The following FAM135B variants were observed in gnomAD, a reference collection of about 807,000 sequenced individuals.
The protein encoded by FAM135B is protein FAM135B.
A neutral mutation model predicts 127.7 loss-of-function variants in FAM135B; 43 were observed. That is an observed-to-expected ratio of 0.34 (90% confidence interval 0.26 to 0.43). The LOEUF (loss-of-function observed/expected upper bound fraction) is 0.43, where lower values mean the gene tolerates loss of function less well. Ranked by LOEUF, FAM135B falls within the 20% of genes least tolerant of loss-of-function variation. The pLI is 1.00. For synonymous variants in FAM135B, 670 were observed against 665.1 expected (o/e 1.01, Z -0.11); for missense variants, 1,558 against 1,725.6 (o/e 0.90, Z 1.72).
intron 7 of FAM135B, among the ~76,000 whole-genome samples, chr8:138,212,932 G>A (rs751952088): frequency 3.3e-5 from 5 of 152,040 alleles, no homozygotes; most frequent in African/African-American, 7.2e-5. Flanking sequence ...TTGAAGGTCC[G>A]ATTTTTTAAA....
At chr8:138,404,892 G>A (rs1045518565) in intron 1 of FAM135B, among the ~76,000 whole-genome samples, 4 of 152,058 alleles carry the variant, frequency 2.6e-5, no homozygotes, top group Admixed American at 6.6e-5. Flanking sequence ...TATTAACTTC[G>A]TCCAAAGTTC....
At chr8:138,167,347 C>T (rs1432179785) in intron 12 of FAM135B, among the ~76,000 whole-genome samples, 1 of 152,110 alleles carries the variant, frequency 6.6e-6, no homozygotes, top group African/African-American at 2.4e-5. Context: ...AGGTGTCCGC[C>T]ACCACGCCCA....
At chr8:138,416,451 A>C (rs1834159787) in intron 1 of FAM135B, among the ~76,000 whole-genome samples, 1 of 152,186 alleles carries the variant, frequency 6.6e-6, no homozygotes, top group Admixed American at 6.5e-5. Flanking sequence ...AGTAAAATAT[A>C]ATAATATGCA....
At chr8:138,234,916 T>C (rs761941949) in intron 7 of FAM135B, among the ~76,000 whole-genome samples, 11 of 152,192 alleles carry the variant, frequency 7.2e-5, no homozygotes, top group Non-Finnish European at 1.0e-4. Context: ...AATTATGACT[T>C]TTGTGGGCCC....
chr8:138,390,823 T>C (rs1274432661), intron 1 of FAM135B, among the ~76,000 whole-genome samples: 3 of 152,156 alleles, frequency 2.0e-5, no homozygotes, highest in Non-Finnish European at 4.4e-5. Context: ...TGCAGCACTC[T>C]ATGGCAGTGT....
chr8:138,395,537 T>C (rs1832801315), intron 1 of FAM135B, among the ~76,000 whole-genome samples: 1 of 152,178 alleles, frequency 6.6e-6, no homozygotes, highest in African/African-American at 2.4e-5. Context: ...CCCTATTAGA[T>C]TACAGATTTG....
intron 7 of FAM135B, among the ~76,000 whole-genome samples, chr8:138,233,465 C>T (rs1354259600): frequency 6.6e-6 from 1 of 152,094 alleles, no homozygotes; most frequent in East Asian, 1.9e-4. Context: ...GATATCCACA[C>T]ATAAAAGAAT....
rs58289442 is a variant in FAM135B, at chr8:138,348,127, C to CTTTTTT, written c.77+19774_77+19779dup. 1.5e-3 allele frequency among the ~76,000 whole-genome samples: 77 copies of CTTTTTT among 52,848 alleles called. 6 individuals are homozygous for CTTTTTT. The highest frequency in any genetic ancestry group is 4.0e-3 in the African/African-American group (48 of 12,076). 34.7% of individuals were successfully genotyped at this position (52,848 alleles called of 152,430 possible). On this transcript the variant is annotated intron_variant, in intron 2 of 19. Coordinates refer to ENST00000395297, the MANE Select transcript of FAM135B (RefSeq NM_015912.4). ...CAGATTAGTTCTTCTTTTTCCTCCT[C>CTTTTTT]TTTTTTTTTTTTTTTTTTTTTTTTG... is the stretch of plus-strand genomic sequence containing the variant.
intron 1 of FAM135B, among the ~76,000 whole-genome samples, chr8:138,429,354 T>C (rs1182788490): frequency 6.6e-6 from 1 of 152,156 alleles, no homozygotes; most frequent in Non-Finnish European, 1.5e-5. Context: ...CTCCCTTGAA[T>C]TGGCTTTTAT....
At chr8:138,167,632 G>A (rs7015886) in intron 12 of FAM135B, among the ~76,000 whole-genome samples, 2,115 of 152,306 alleles carry the variant, frequency 0.014, 39 homozygotes, top group Middle Eastern at 0.051. Flanking sequence ...CATTTTGCAG[G>A]TGAAAACGCT....
intron 2 of FAM135B, among the ~76,000 whole-genome samples, chr8:138,320,708 T>C (rs1827393372): frequency 6.6e-6 from 1 of 152,172 alleles, no homozygotes; most frequent in Non-Finnish European, 1.5e-5. Flanking sequence ...CCATGCACCA[T>C]TCATCTCTGT....
At chr8:138,319,401 C>T (rs1246507233) in intron 2 of FAM135B, among the ~76,000 whole-genome samples, 4 of 152,178 alleles carry the variant, frequency 2.6e-5, no homozygotes, top group East Asian at 1.9e-4. Context: ...GCCACTGGCC[C>T]GGCCTCCAAG....
intron 7 of FAM135B, among the ~76,000 whole-genome samples, chr8:138,219,131 T>G (rs890787589): frequency 6.6e-6 from 1 of 152,196 alleles, no homozygotes; most frequent in Non-Finnish European, 1.5e-5. Flanking sequence ...CTATCTTCAC[T>G]ACTGTTCATA....
At chr8:138,334,673 T>C (rs1207993852) in intron 2 of FAM135B, among the ~76,000 whole-genome samples, 2 of 152,194 alleles carry the variant, frequency 1.3e-5, no homozygotes, top group Non-Finnish European at 2.9e-5. Context: ...ATTAGTTTGG[T>C]ATGAATAATG....
At chr8:138,221,537 G>C (rs1372441210) in intron 7 of FAM135B, among the ~76,000 whole-genome samples, 1 of 152,136 alleles carries the variant, frequency 6.6e-6, no homozygotes, top group Non-Finnish European at 1.5e-5. Context: ...CAAATTGCAG[G>C]GAGTTTAGGT....
rs757486935 is a variant in FAM135B, at chr8:138,153,206, C to T, written c.1269G>A (p.Leu423=). 1 of 1,528,040 alleles carries T rather than the reference C, an allele frequency of 6.5e-7. No individual in the cohort carries two copies. The highest frequency in any genetic ancestry group is 2.3e-5 in the East Asian group (1 of 43,226). The allele number at this position is 1,528,040 out of a possible 1,614,324, so 94.7% of individuals were successfully genotyped here. ...GAACATCAAAATTAGGATAAACACT[C>T]AAGTTATGCCCTACAAAAAAAAAAG... The part of the protein sequence containing the change: ...YVDCPATGHN[L]SVYPNFDVPV... Residue 423 remains leucine (L), a synonymous_variant, in exon 13 of 20, where the codon TTG becomes TTA. Transcript: ENST00000395297.
chr8:138,250,893 T>C lies in FAM135B; in HGVS notation c.490A>G (p.Ile164Val), dbSNP rs772623176. The C allele has an allele frequency of 1.9e-6, 3 of 1,613,530 alleles. No individual in the cohort carries two copies. The highest frequency in any genetic ancestry group is 4.5e-5 in the East Asian group (2 of 44,848). ...VMFDYFHLSV[I>V]SVTVHAALVA... ...AGGGCAGCATGGACGGTCACCGAGA[T>C]CACAGACAGGTGGAAATAGTCGAAC... Residue 164 changes from isoleucine (I) to valine (V), a missense_variant, in exon 6 of 20, where the codon ATC (isoleucine) becomes GTC (valine). Physicochemically the swap from Ile to Val is conservative, Grantham distance 29. This residue lies in a region of FAM135B where 199 missense variants were observed against 245.7 expected (regional missense o/e 0.81). Coordinates refer to ENST00000395297, the MANE Select transcript of FAM135B (RefSeq NM_015912.4).
intron 1 of FAM135B, among the ~76,000 whole-genome samples, chr8:138,447,265 G>C (rs1836228392): frequency 6.6e-6 from 1 of 152,110 alleles, no homozygotes; most frequent in Non-Finnish European, 1.5e-5. Context: ...CAGGGATCTA[G>C]AACTAGAAAT....
chr8:138,299,038 C>T (rs996568158), intron 3 of FAM135B, among the ~76,000 whole-genome samples: 13 of 146,678 alleles, frequency 8.9e-5, no homozygotes, highest in Non-Finnish European at 1.6e-4. Context: ...CCAGCCTGGG[C>T]GATAGAGTGA....
Sources: allele counts gnomAD v4.1 joint callset (sites outside exome capture counted in the v4.1 genomes callset), GRCh38; gene constraint gnomAD v4.1.1; regional missense constraint gnomAD v4.1.1; transcripts MANE v1.5; gene names NCBI Gene and HGNC (gene_info 2026-07-23, HGNC 2026-07-21).